The following CCDC91 variants were observed in gnomAD, a reference collection of about 807,000 sequenced individuals.
CCDC91 encodes the protein coiled-coil domain-containing protein 91.
A neutral mutation model predicts 63.2 loss-of-function variants in CCDC91; 48 were observed. That is an observed-to-expected ratio of 0.76 (90% CI 0.60 to 0.97). The LOEUF (loss-of-function observed/expected upper bound fraction) is 0.97. CCDC91 is among the 50% of genes least tolerant of loss of function. The pLI, the probability that CCDC91 is intolerant of heterozygous loss-of-function variation, is 0.00. For missense variants in CCDC91, 500 were observed against 494.6 expected (o/e 1.01, Z -0.10); for synonymous variants, 167 against 165.8 (o/e 1.01, Z -0.06).
In CCDC91 at chr12:28,430,746, G is replaced by A. The variant is rs149172552; in HGVS notation, c.763-19415G>A. 2.9e-3 allele frequency among the ~76,000 whole-genome samples: 446 copies of A among 152,076 alleles called. 5 individuals carry two copies. Among genetic ancestry groups the A allele is most frequent in the African/African-American group, 0.01 (433 of 41,504 alleles). ...GAGAAATATTTCTAGACATCTTTAT[G>A]TCATACTCACTGTTACCCAGTGAAG... On this transcript the variant is annotated intron_variant, in intron 8 of 12. Coordinates refer to ENST00000536442, the MANE Select transcript of CCDC91 (RefSeq NM_018318.5).
intron 6 of CCDC91, among the ~76,000 whole-genome samples, chr12:28,354,922 TTTG>T (rs1257229771): frequency 6.6e-6 from 1 of 152,112 alleles, no homozygotes; most frequent in Non-Finnish European, 1.5e-5. Flanking sequence ...GTAGGGAGGA[TTTG>T]TTGTAATTGT....
chr12:28,409,512 G>A (rs1158341759), intron 8 of CCDC91, among the ~76,000 whole-genome samples: 3 of 151,888 alleles, frequency 2.0e-5, no homozygotes, highest in East Asian at 3.9e-4. Flanking sequence ...AAATACCAGC[G>A]TTTGGTTTCA....
intron 12 of CCDC91, among the ~76,000 whole-genome samples, chr12:28,506,384 C>T (rs1938718545): frequency 6.6e-6 from 1 of 151,950 alleles, no homozygotes; most frequent in Admixed American, 6.6e-5. Context: ...TCTCCACTGA[C>T]TATGTAAATT....
intron 11 of CCDC91, among the ~76,000 whole-genome samples, chr12:28,472,879 G>T (rs1333917920): frequency 6.6e-6 from 1 of 152,066 alleles, no homozygotes. Context: ...CTTTGCACTT[G>T]CATCCATGTC....
intron 1 of CCDC91, among the ~76,000 whole-genome samples, chr12:28,204,600 A>C (rs573591401): frequency 5.3e-5 from 8 of 152,152 alleles, no homozygotes; most frequent in Non-Finnish European, 8.8e-5. Flanking sequence ...AGGGAAAGTC[A>C]TGTTAGGTAT....
At chr12:28,234,004 C>T (rs1304606894) in intron 1 of CCDC91, among the ~76,000 whole-genome samples, 2 of 152,072 alleles carry the variant, frequency 1.3e-5, no homozygotes, top group Non-Finnish European at 2.9e-5. Context: ...GTTGTGCTGC[C>T]ATCACTATCA....
chr12:28,248,815 C>T (rs1945932843), intron 1 of CCDC91, among the ~76,000 whole-genome samples: 1 of 152,020 alleles, frequency 6.6e-6, no homozygotes, highest in Non-Finnish European at 1.5e-5. Flanking sequence ...GGGCTTGGAG[C>T]ATGTTTCATT....
intron 8 of CCDC91, among the ~76,000 whole-genome samples, chr12:28,442,613 A>G (rs1294572880): frequency 6.6e-6 from 1 of 152,092 alleles, no homozygotes; most frequent in Non-Finnish European, 1.5e-5. Flanking sequence ...TTTTTGGTTT[A>G]TCTTTCTTGT....
At chr12:28,544,405 T>TA (rs1942841833) in intron 12 of CCDC91, among the ~76,000 whole-genome samples, 1 of 152,034 alleles carries the variant, frequency 6.6e-6, no homozygotes, top group South Asian at 2.1e-4. Context: ...CTAGTCACTT[T>TA]ACCCATGAGT....
chr12:28,359,392 G>A (rs1052911916), intron 6 of CCDC91, among the ~76,000 whole-genome samples: 1 of 152,284 alleles, frequency 6.6e-6, no homozygotes, highest in South Asian at 2.1e-4. Context: ...CTAGGGTAGT[G>A]TGCTTTGCCT....
chr12:28,433,006 C>G (rs1252145095), intron 8 of CCDC91, among the ~76,000 whole-genome samples: 2 of 152,052 alleles, frequency 1.3e-5, no homozygotes, highest in South Asian at 4.1e-4. Flanking sequence ...TTATTGCCAT[C>G]TCTGTATCTT....
intron 3 of CCDC91, among the ~76,000 whole-genome samples, chr12:28,267,821 T>TAATTATA (rs1325729584): frequency 8.1e-5 from 2 of 24,564 alleles, no homozygotes; most frequent in Non-Finnish European, 1.7e-4. Context: ...TATAATTATA[T>TAATTATA]TATTAATATA....
chr12:28,313,950 G>C (rs1476768155), intron 6 of CCDC91, among the ~76,000 whole-genome samples: 1 of 151,984 alleles, frequency 6.6e-6, no homozygotes, highest in Non-Finnish European at 1.5e-5. Flanking sequence ...AAACTTGGCA[G>C]CTCATCAGAT....
intron 6 of CCDC91, among the ~76,000 whole-genome samples, chr12:28,331,051 T>C (rs1941461500): frequency 6.6e-6 from 1 of 152,200 alleles, no homozygotes; most frequent in Non-Finnish European, 1.5e-5. Context: ...ATTTATTTTT[T>C]GTGTTTTCAA....
At chr12:28,510,124 T>C (rs1292600462) in intron 12 of CCDC91, among the ~76,000 whole-genome samples, 2 of 151,830 alleles carry the variant, frequency 1.3e-5, no homozygotes, top group East Asian at 3.9e-4. Flanking sequence ...ATAAAAGAGT[T>C]TCCCTGAAAG....
intron 12 of CCDC91, among the ~76,000 whole-genome samples, chr12:28,504,209 C>T (rs1224216869): frequency 6.6e-6 from 1 of 151,364 alleles, no homozygotes; most frequent in African/African-American, 2.4e-5. Context: ...AATTTGTAAT[C>T]AATCTTTGAA....
At chr12:28,363,428 T>A (rs775216899) in intron 7 of CCDC91, among the ~76,000 whole-genome samples, 1 of 152,204 alleles carries the variant, frequency 6.6e-6, no homozygotes, top group Non-Finnish European at 1.5e-5. Flanking sequence ...CATACATGTT[T>A]ACATAGGCAT....
intron 6 of CCDC91, among the ~76,000 whole-genome samples, chr12:28,325,807 G>T (rs1204446618): frequency 1.3e-5 from 2 of 151,910 alleles, no homozygotes; most frequent in Admixed American, 1.3e-4. Context: ...GGGCAAGGGG[G>T]TGGGGAGGGC....
At chr12:28,203,138 C>G (rs1026814682) in intron 1 of CCDC91, among the ~76,000 whole-genome samples, 1 of 152,138 alleles carries the variant, frequency 6.6e-6, no homozygotes, top group Non-Finnish European at 1.5e-5. Context: ...TTCTAGTTTT[C>G]AAGGCTCTCA....
Sources: allele counts gnomAD v4.1 joint callset (sites outside exome capture counted in the v4.1 genomes callset), GRCh38; gene constraint gnomAD v4.1.1; transcripts MANE v1.5; gene names NCBI Gene and HGNC (gene_info 2026-07-23, HGNC 2026-07-21).